The following CDK12 variants were observed in gnomAD, a reference collection of about 807,000 sequenced individuals.
CDK12 encodes cyclin dependent kinase 12.
A neutral mutation model predicts 133.8 loss-of-function variants in CDK12; 17 were observed. The ratio of observed to expected loss-of-function variants is 0.13; its 90% CI spans 0.09 to 0.19. The LOEUF is 0.19. Ranked by LOEUF, CDK12 falls within the 10% of genes least tolerant of loss-of-function variation. The pLI is 1.00. For synonymous variants in CDK12, 694 were observed against 683.6 expected (o/e 1.02, Z -0.24); for missense variants, 1,508 against 1,818.7 (o/e 0.83, Z 3.11).
intron 1 of CDK12, among the ~76,000 whole-genome samples, chr17:39,467,016 G>C (rs1252748241): frequency 6.6e-6 from 1 of 151,740 alleles, no homozygotes; most frequent in Non-Finnish European, 1.5e-5. Flanking sequence ...CAGAGTTTCT[G>C]TCGCCAGGCT....
chr17:39,511,801 C>G (rs989890719), intron 8 of CDK12, among the ~76,000 whole-genome samples, 171 bp downstream of exon 8: 1 of 151,920 alleles, frequency 6.6e-6, no homozygotes, highest in Non-Finnish European at 1.5e-5. Context: ...TGTCAGAGAC[C>G]CTTTTTTTAA....
chr17:39,540,114 G>A (rs1289358963), intron 1 of CDK12, among the ~76,000 whole-genome samples: 3 of 152,218 alleles, frequency 2.0e-5, no homozygotes, highest in East Asian at 1.9e-4. Context: ...ATGAAGCACT[G>A]AGAGTTTACA....
Position 39,506,212 on chromosome 17 carries a change from A to ATT in CDK12, c.2610-3472_2610-3471dup, listed in dbSNP as rs1177367409. On this transcript the variant is annotated intron_variant, in intron 6 of 13. Transcript: ENST00000447079. ...TGACACCATACAATATGATTATATG[A>ATT]TTTTTTTTTTTTTTTTTTTTTTGAG... Among the ~76,000 whole-genome samples, 1,133 of 119,696 alleles carry ATT rather than the reference A, an allele frequency of 9.5e-3. 60 individuals are homozygous for ATT. The highest frequency in any genetic ancestry group is 0.031 in the African/African-American group (876 of 27,844). 78.5% of individuals were successfully genotyped at this position (119,696 alleles called of 152,430 possible). A position where few individuals can be genotyped will look rare whatever the true frequency, so the allele number is the denominator to read the frequency against.
intron 6 of CDK12, among the ~76,000 whole-genome samples, chr17:39,505,100 A>G (rs1365780772): frequency 2.0e-5 from 3 of 150,830 alleles, no homozygotes; most frequent in African/African-American, 4.9e-5. Context: ...ATGGTGGCGC[A>G]TGCCTGTAAT....
chr17:39,531,296 G>T lies in CDK12; in HGVS notation c.4453G>T (p.Gly1485Trp), dbSNP rs756628746. Residue 1485 changes from glycine (G) to tryptophan (W), a missense_variant, in exon 14 of 14, where the codon GGG becomes TGG. This residue lies in a region of CDK12 where 114 missense variants were observed against 101.2 expected (regional missense o/e 1.13). Transcript: ENST00000447079. The part of the protein sequence containing the change: ...PTRVPPRGGR[G>W]RGVPY Reference sequence around the variant, plus strand: ...AAGAGTCCCACCAAGAGGGGGAAGAGGGAGAGGAGTTCCTTACTAACCCAG... The same window carrying T: ...AAGAGTCCCACCAAGAGGGGGAAGATGGAGAGGAGTTCCTTACTAACCCAG... 3 of 1,492,744 alleles carry T rather than the reference G, an allele frequency of 2.0e-6. No homozygotes were observed. The highest frequency in any genetic ancestry group is 2.7e-6 in the Non-Finnish European group (3 of 1,124,330). 92.5% of individuals were successfully genotyped at this position (1,492,744 alleles called of 1,614,324 possible). A position where few individuals can be genotyped will look rare whatever the true frequency, so the allele number is the denominator to read the frequency against.
intron 7 of CDK12, among the ~76,000 whole-genome samples, chr17:39,510,717 G>A (rs183474958): frequency 3.3e-5 from 5 of 150,740 alleles, no homozygotes; most frequent in East Asian, 2.0e-4. Flanking sequence ...GGGTTCAAGC[G>A]ATTCCCCTGC....
intron 4 of CDK12, among the ~76,000 whole-genome samples, chr17:39,493,166 G>GTTTTT (rs201228796): frequency 1.5e-5 from 2 of 132,500 alleles, no homozygotes; most frequent in Non-Finnish European, 3.1e-5. Flanking sequence ...ACTAATTTTT[G>GTTTTT]TTTTTTTTTT....
At position 39,490,703 on chromosome 17, in the gene CDK12, C is replaced by T. The variant is rs2051523191; in HGVS notation, c.2078C>T (p.Pro693Leu). 5.0e-6 allele frequency: 8 copies of T among 1,613,122 alleles called. No homozygotes were observed. The highest frequency in any genetic ancestry group is 6.8e-6 in the Non-Finnish European group (8 of 1,179,556). Residue 693 changes from proline to leucine, a missense_variant, in exon 3 of 14, where the codon CCA becomes CTA. Physicochemically the swap from Pro to Leu is moderately conservative, Grantham distance 98. This residue lies in a region of CDK12 where 347 missense variants were observed against 330.8 expected (regional missense o/e 1.05). Transcript: ENST00000447079. ...TCTCCAGAACCAAAGGCAATCACACCACCTCAGCAACCATATAAAAAGAGA... is the reference window on the plus strand; with the variant it reads ...TCTCCAGAACCAAAGGCAATCACACTACCTCAGCAACCATATAAAAAGAGA... ...PDSPEPKAITPPQQPYKKRPK... is the reference protein window; with the variant it reads ...PDSPEPKAITLPQQPYKKRPK...
In CDK12 at chr17:39,482,015, C is replaced by CTTTTTTTTTTTTTTTT. The variant is rs56340258; in HGVS notation, c.1932-8541_1932-8526dup. 2.7e-4 allele frequency among the ~76,000 whole-genome samples: 26 copies of CTTTTTTTTTTTTTTTT among 96,234 alleles called. 1 individual carries two copies. Among genetic ancestry groups the CTTTTTTTTTTTTTTTT allele is most frequent in the Non-Finnish European group, 4.4e-4 (20 of 45,158 alleles). The allele number at this position is 96,234 out of a possible 152,430, so 63.1% of individuals were successfully genotyped here. A position where few individuals can be genotyped will look rare whatever the true frequency, so the allele number is the denominator to read the frequency against. ...GATTACAGGCATGAGCCTGGCTTGC[C>CTTTTTTTTTTTTTTTT]TTTTTTTTTTTTTTTTAACAGAGTT... is the stretch of plus-strand genomic sequence containing the variant. On this transcript the variant is annotated intron_variant, in intron 2 of 13. Transcript: ENST00000447079.
chr17:39,508,047 C>T (rs558100522), intron 6 of CDK12, among the ~76,000 whole-genome samples: 7 of 152,166 alleles, frequency 4.6e-5, no homozygotes, highest in African/African-American at 1.2e-4. Flanking sequence ...GTGCTTGAGA[C>T]GAGAATTCTT....
chr17:39,494,734 C>A, intron 5 of CDK12, 40 bp downstream of exon 5: 1 of 1,317,872 alleles, frequency 7.6e-7, no homozygotes, highest in Non-Finnish European at 1.0e-6. Flanking sequence ...GTAGACTGGT[C>A]CAATCTTTGC....
chr17:39,525,108 G>A (rs2054416999), intron 12 of CDK12, among the ~76,000 whole-genome samples: 1 of 152,176 alleles, frequency 6.6e-6, no homozygotes, highest in Admixed American at 6.5e-5. Flanking sequence ...CCTGAAATAT[G>A]TACGGAACAC....
intron 2 of CDK12, among the ~76,000 whole-genome samples, chr17:39,475,792 A>ACCTG (rs2050148694): frequency 6.6e-6 from 1 of 151,998 alleles, no homozygotes; most frequent in South Asian, 2.1e-4. Context: ...TGATTCGCCC[A>ACCTG]CCTAGGCCTC....
chr17:39,533,219 C>G lies in CDK12; in HGVS notation c.*1903C>G, dbSNP rs1271684588. On this transcript the variant is annotated 3_prime_UTR_variant, in exon 14 of 14. Coordinates refer to ENST00000447079, the MANE Select transcript of CDK12 (RefSeq NM_016507.4). The stretch of plus-strand genomic sequence containing the variant: ...TCTGGTTTTTGATCTGGCCTTGCCT[C>G]CAGGGCCAAACACTGATTTAGAAAG... The G allele has an allele frequency of 4.3e-6, 1 of 233,098 alleles. No individual in the cohort carries two copies. Among genetic ancestry groups the G allele is most frequent in the Non-Finnish European group, 8.5e-6 (1 of 117,878 alleles). The allele number at this position is 233,098 out of a possible 1,614,324, so 14.4% of individuals were successfully genotyped here.
rs750403959 is a variant in CDK12, at chr17:39,531,069, C to G, written c.4226C>G (p.Pro1409Arg). The G allele has an allele frequency of 4.8e-5, 77 of 1,609,920 alleles. No homozygotes were observed. The highest frequency in any genetic ancestry group is 6.3e-5 in the Non-Finnish European group (74 of 1,178,404). The change falls in exon 14 of 14, where the codon CCC (proline) becomes CGC (arginine). Residue 1409 changes from proline (P) to arginine (R), a missense_variant. Around this residue, in one of 9 missense-constraint regions of CDK12, gnomAD observed 114 missense variants for 101.2 expected, o/e 1.13. Coordinates refer to ENST00000447079, the MANE Select transcript of CDK12 (RefSeq NM_016507.4). ...CAGGACCTCCGTTTTGCCAGGGTCC[C>G]CTTAGCGTTACACCCGGTGGTCGGG... Reference protein sequence around the residue: ...GDQDLRFARVPLALHPVVGQP... With the variant: ...GDQDLRFARVRLALHPVVGQP...
rs112562645 is a variant in CDK12, at chr17:39,500,978, C to T, written c.2420-272C>T. 3.5e-4 allele frequency among the ~76,000 whole-genome samples: 54 copies of T among 152,204 alleles called. 1 individual carries two copies. The highest frequency in any genetic ancestry group is 3.4e-3 in the Middle Eastern group (1 of 294). The stretch of plus-strand genomic sequence containing the variant: ...CTCGAACTCCTGACCTCAAGTGACC[C>T]GCCCTCCTCGGCCTCCCAAAGTGCT... On this transcript the variant is annotated intron_variant, in intron 5 of 13. Transcript: ENST00000447079.
intron 10 of CDK12, among the ~76,000 whole-genome samples, chr17:39,519,023 T>A (rs1329380929): frequency 2.0e-5 from 3 of 150,374 alleles, no homozygotes; most frequent in Non-Finnish European, 4.4e-5. Flanking sequence ...TGCCTTAGCC[T>A]CCTGAGTAGC....
At position 39,462,719 on chromosome 17, in the gene CDK12, A is replaced by C. The variant is rs367627252; in HGVS notation, c.648A>C (p.Pro216=). 1 of 1,614,238 alleles carries C rather than the reference A, an allele frequency of 6.2e-7. No individual in the cohort carries two copies. The highest frequency in any genetic ancestry group is 8.5e-7 in the Non-Finnish European group (1 of 1,180,042). The part of the protein sequence containing the change: ...TPKSYKTVDS[P]KRRSRSPHRK... ...AAAGTTACAAAACAGTGGACAGCCCAAAACGGAGATCCAGGAGCCCCCACA... is the reference window on the plus strand; with the variant it reads ...AAAGTTACAAAACAGTGGACAGCCCCAAACGGAGATCCAGGAGCCCCCACA... The change falls in exon 1 of 14, where the codon CCA becomes CCC. Residue 216 remains proline, a synonymous_variant. Transcript: ENST00000447079.
chr17:39,515,755 A>G lies in CDK12; in HGVS notation c.2793A>G (p.Thr931=), dbSNP rs749256247. The part of the protein sequence containing the change: ...SCGCILGELF[T]KKPIFQANLE... Reference sequence around the variant, plus strand: ...GATGTATTCTTGGGGAACTATTCACAAAGAAGCCTATTTTTCAAGCCAATC... The same window carrying G: ...GATGTATTCTTGGGGAACTATTCACGAAGAAGCCTATTTTTCAAGCCAATC... The change falls in exon 9 of 14, where the codon ACA becomes ACG. Residue 931 remains threonine (T), a synonymous_variant. Coordinates refer to ENST00000447079, the MANE Select transcript of CDK12 (RefSeq NM_016507.4). 1 of 1,612,936 alleles carries G rather than the reference A, an allele frequency of 6.2e-7. No individual in the cohort carries two copies. Among genetic ancestry groups the G allele is most frequent in the South Asian group, 1.1e-5 (1 of 91,028 alleles).
Sources: allele counts gnomAD v4.1 joint callset (sites outside exome capture counted in the v4.1 genomes callset), GRCh38; gene constraint gnomAD v4.1.1; regional missense constraint gnomAD v4.1.1; transcripts MANE v1.5; gene names NCBI Gene and HGNC (gene_info 2026-07-23, HGNC 2026-07-21).